The following NRXN1 variants were observed in gnomAD, a reference collection of about 807,000 sequenced individuals.
NRXN1 encodes neurexin 1, also known as neurexin-1.
A neutral mutation model predicts 150.9 loss-of-function variants in NRXN1; 39 were observed. The observed-to-expected ratio is 0.26, with a 90% CI of 0.20 to 0.34. NRXN1 has a LOEUF of 0.34. Ranked by LOEUF, NRXN1 falls within the 10% of genes least tolerant of loss-of-function variation. NRXN1 has a pLI of 1.00. For missense variants in NRXN1, 1,815 were observed against 1,949.9 expected, an observed-to-expected ratio of 0.93 and a Z score of 1.30; for synonymous variants, 924 against 757.0, an observed-to-expected ratio of 1.22 and a Z score of -3.62.
chr2:50,257,166 C>T (rs1194776239), intron 17 of NRXN1, among the ~76,000 whole-genome samples: 1 of 151,876 alleles, frequency 6.6e-6, no homozygotes, highest in African/African-American at 2.4e-5. Context: ...ATTATTTGTC[C>T]ATGGTCACAA....
At chr2:50,290,996 T>A (rs932558721) in intron 17 of NRXN1, among the ~76,000 whole-genome samples, 1 of 152,144 alleles carries the variant, frequency 6.6e-6, no homozygotes, top group South Asian at 2.1e-4. Context: ...GGATGTAATG[T>A]AGCCACGTGA....
At chr2:50,003,899 C>T (rs1684341282) in intron 21 of NRXN1, among the ~76,000 whole-genome samples, 1 of 152,116 alleles carries the variant, frequency 6.6e-6, no homozygotes. Context: ...CATTTTCCTT[C>T]CCCTTGACTT....
At chr2:50,170,150 C>T (rs938887089) in intron 18 of NRXN1, among the ~76,000 whole-genome samples, 1 of 151,956 alleles carries the variant, frequency 6.6e-6, no homozygotes, top group African/African-American at 2.4e-5. Context: ...ATCACACACA[C>T]ACACACACAC....
chr2:50,668,077 C>T (rs1014427181), intron 5 of NRXN1, among the ~76,000 whole-genome samples: 2 of 151,938 alleles, frequency 1.3e-5, no homozygotes, highest in Non-Finnish European at 2.9e-5. Context: ...TAAAGTATTT[C>T]GAATGGTATT....
At chr2:50,002,163 C>T (rs569106944) in intron 21 of NRXN1, among the ~76,000 whole-genome samples, 60 of 152,122 alleles carry the variant, frequency 3.9e-4, no homozygotes, top group African/African-American at 1.1e-3. Flanking sequence ...ACCTGTGCCC[C>T]GACTTCAGTC....
At chr2:50,611,098 T>C (rs1678041497) in intron 8 of NRXN1, among the ~76,000 whole-genome samples, 1 of 148,158 alleles carries the variant, frequency 6.7e-6, no homozygotes, top group Non-Finnish European at 1.5e-5. Flanking sequence ...ATGCAAGTGT[T>C]AATGCATAAG....
chr2:50,472,174 A>C (rs540576245), intron 16 of NRXN1, 124 bp downstream of exon 16: 1 of 702,766 alleles, frequency 1.4e-6, no homozygotes. Context: ...AACTTGAATA[A>C]GGATGTCTAA....
intron 5 of NRXN1, among the ~76,000 whole-genome samples, chr2:50,862,809 C>T (rs2106041475): frequency 6.6e-6 from 1 of 152,120 alleles, no homozygotes; most frequent in South Asian, 2.1e-4. Flanking sequence ...TGGAAATGTG[C>T]CTCATATCAC....
rs774230140 is a variant in NRXN1, at chr2:51,027,600, C to CCCTCGCCCT, written c.665_673dup (p.Glu222_Glu224dup). 30 of 1,601,738 alleles carry CCCTCGCCCT rather than the reference C, an allele frequency of 1.9e-5. No homozygotes were observed. In the Admixed American group the frequency reaches 2.7e-4, roughly 15 times the overall value. On this transcript the variant is annotated inframe_insertion, in exon 2 of 23. Transcript: ENST00000401669. ...CACACCTCCGTTGAGGCACACCCCGCCCTCGCCCTCCTCGCCCGCCTCGCA... is the reference window on the plus strand; with the variant it reads ...CACACCTCCGTTGAGGCACACCCCGCCCTCGCCCTCCTCGCCCTCCTCGCCCGCCTCGCA...
chr2:50,832,635 G>A (rs997352520), intron 5 of NRXN1, among the ~76,000 whole-genome samples: 2 of 152,092 alleles, frequency 1.3e-5, no homozygotes, highest in African/African-American at 4.8e-5. Flanking sequence ...ACTCCAGCTT[G>A]GGCGACAGAG....
At chr2:50,352,182 G>A (rs959147741) in intron 17 of NRXN1, among the ~76,000 whole-genome samples, 8 of 152,074 alleles carry the variant, frequency 5.3e-5, no homozygotes, top group African/African-American at 1.9e-4. Flanking sequence ...TAAGAAATGA[G>A]ACATGGATTT....
intron 5 of NRXN1, among the ~76,000 whole-genome samples, chr2:50,867,987 T>C (rs922022911): frequency 2.0e-5 from 3 of 151,436 alleles, no homozygotes; most frequent in African/African-American, 7.3e-5. Context: ...AGAAGAAATA[T>C]AATTAAGTGG....
At chr2:50,452,790 T>G (rs1056075519) in intron 17 of NRXN1, among the ~76,000 whole-genome samples, 2 of 152,180 alleles carry the variant, frequency 1.3e-5, no homozygotes, top group African/African-American at 4.8e-5. Context: ...CAGACAAGGA[T>G]GAAACTTTAA....
At chr2:50,288,099 T>C (rs1301590212) in intron 17 of NRXN1, among the ~76,000 whole-genome samples, 1 of 152,164 alleles carries the variant, frequency 6.6e-6, no homozygotes, top group East Asian at 1.9e-4. Flanking sequence ...AATTTTTCTC[T>C]TGGATGTTCA....
chr2:50,513,079 C>T (rs552577903), intron 12 of NRXN1, among the ~76,000 whole-genome samples: 1 of 152,238 alleles, frequency 6.6e-6, no homozygotes, highest in Admixed American at 6.5e-5. Context: ...GCTTTCCTTC[C>T]ATCATCTATA....
intron 2 of NRXN1, among the ~76,000 whole-genome samples, chr2:50,983,959 T>A (rs2104913452): frequency 6.6e-6 from 1 of 151,896 alleles, no homozygotes; most frequent in South Asian, 2.1e-4. Context: ...TTTTTTATTT[T>A]TATTTTTTAA....
At chr2:50,274,910 T>C (rs2070236233) in intron 17 of NRXN1, among the ~76,000 whole-genome samples, 1 of 152,162 alleles carries the variant, frequency 6.6e-6, no homozygotes, top group Non-Finnish European at 1.5e-5. Context: ...TACAACAGAT[T>C]TTCTCTGTAT....
intron 5 of NRXN1, among the ~76,000 whole-genome samples, chr2:50,626,502 G>C (rs1206501498): frequency 6.6e-6 from 1 of 151,868 alleles, no homozygotes; most frequent in Non-Finnish European, 1.5e-5. Flanking sequence ...ACACTGTCAA[G>C]CATTTCAGAT....
chr2:50,451,472 T>C (rs1326137223), intron 17 of NRXN1, among the ~76,000 whole-genome samples: 1 of 152,222 alleles, frequency 6.6e-6, no homozygotes, highest in Admixed American at 6.5e-5. Flanking sequence ...AGGTTGTTAG[T>C]CACATGTATT....
Sources: allele counts gnomAD v4.1 joint callset (sites outside exome capture counted in the v4.1 genomes callset), GRCh38; gene constraint gnomAD v4.1.1; transcripts MANE v1.5; gene names NCBI Gene and HGNC (gene_info 2026-07-23, HGNC 2026-07-21).